IMMT: variants seen among roughly 807,000 people sequenced by gnomAD.
The protein encoded by IMMT is inner membrane mitochondrial protein.
In IMMT, 40 loss-of-function variants were observed where a neutral mutation model predicts 92.7. That is an observed-to-expected ratio of 0.43 (90% CI 0.34 to 0.56). IMMT has a LOEUF of 0.56. Among genes scored for constraint, IMMT ranks in the 20% least tolerant of loss-of-function variants. IMMT has a pLI of 0.03. For synonymous variants in IMMT, 322 were observed against 336.1 expected, an observed-to-expected ratio of 0.96 and a Z score of 0.46; for missense variants, 831 against 912.1, an observed-to-expected ratio of 0.91 and a Z score of 1.14.
intron 3 of IMMT, among the ~76,000 whole-genome samples, chr2:86,177,462 G>C (rs138175372): frequency 6.6e-6 from 1 of 152,052 alleles, no homozygotes; most frequent in African/African-American, 2.4e-5. Flanking sequence ...AAATTAGCTA[G>C]GCATGGTGGT....
intron 6 of IMMT, among the ~76,000 whole-genome samples, chr2:86,167,047 G>A (rs1297939988): frequency 4.0e-5 from 6 of 149,216 alleles, no homozygotes; most frequent in Non-Finnish European, 8.9e-5. Context: ...GCAGTGAGCC[G>A]AGATCATGCC....
At chr2:86,145,822 G>A (rs751077532) in intron 14 of IMMT, among the ~76,000 whole-genome samples, 3 of 152,088 alleles carry the variant, frequency 2.0e-5, no homozygotes, top group Non-Finnish European at 2.9e-5. Flanking sequence ...AGGCACATGC[G>A]ACATAGCCAA....
chr2:86,174,756 A>G lies in IMMT; in HGVS notation c.310-995T>C, dbSNP rs147574698. Among the ~76,000 whole-genome samples, 30 of 152,270 alleles carry G rather than the reference A, an allele frequency of 2.0e-4. No homozygotes were observed. In the East Asian group the frequency reaches 3.1e-3, roughly 16 times the overall value. The stretch of plus-strand genomic sequence containing the variant: ...ACTTGCTCTTTTTTTATTTAACACT[A>G]TATCATGGACATTCTCTTTCAGGTC... On this transcript the variant is annotated intron_variant, in intron 3 of 14. Transcript: ENST00000410111.
chr2:86,182,023 A>AT (rs1672469169), intron 1 of IMMT, among the ~76,000 whole-genome samples: 2 of 152,228 alleles, frequency 1.3e-5, no homozygotes, highest in Non-Finnish European at 2.9e-5. Context: ...CTATCCTTAC[A>AT]TAAAAACAAA....
At chr2:86,184,238 A>G (rs112265184) in intron 1 of IMMT, among the ~76,000 whole-genome samples, 4,577 of 152,072 alleles carry the variant, frequency 0.03, 208 homozygotes, top group African/African-American at 0.1. Context: ...TGGTATGATC[A>G]TAGCTCACTG....
At chr2:86,186,739 T>C (rs1439789353) in intron 1 of IMMT, among the ~76,000 whole-genome samples, 6 of 152,232 alleles carry the variant, frequency 3.9e-5, no homozygotes, top group African/African-American at 1.4e-4. Context: ...CATGAGGGTC[T>C]CTGAGCAAAA....
chr2:86,148,433 C>T (rs1675200307), intron 12 of IMMT, among the ~76,000 whole-genome samples: 1 of 151,814 alleles, frequency 6.6e-6, no homozygotes, highest in Non-Finnish European at 1.5e-5. Context: ...ATGGTGAAAC[C>T]CCATCTCTAC....
At chr2:86,185,372 T>C (rs1490523126) in intron 1 of IMMT, among the ~76,000 whole-genome samples, 3 of 152,148 alleles carry the variant, frequency 2.0e-5, no homozygotes. Flanking sequence ...TGTTTTCAAA[T>C]AGATTCTCAA....
At chr2:86,160,898 C>A (rs1330290127) in intron 8 of IMMT, among the ~76,000 whole-genome samples, 1 of 152,156 alleles carries the variant, frequency 6.6e-6, no homozygotes, top group African/African-American at 2.4e-5. Context: ...TGTAGAGATA[C>A]ATCATCTAAG....
chr2:86,170,696 A>G (rs1320417354), intron 6 of IMMT, 53 bp downstream of exon 6: 2 of 1,166,976 alleles, frequency 1.7e-6, no homozygotes, highest in East Asian at 5.1e-5. Context: ...GTTTAAGAAG[A>G]GAGCAACTGG....
intron 7 of IMMT, among the ~76,000 whole-genome samples, chr2:86,162,546 T>TA (rs556016411): frequency 0.057 from 8,246 of 144,550 alleles, 760 homozygotes; most frequent in African/African-American, 0.19. Context: ...AAATGTGTAT[T>TA]AAAAAAAAAA....
At chr2:86,176,653 T>G (rs1321596626) in intron 3 of IMMT, among the ~76,000 whole-genome samples, 1 of 152,162 alleles carries the variant, frequency 6.6e-6, no homozygotes, top group East Asian at 1.9e-4. Context: ...GCAGTGTAAG[T>G]GTGGAGGTGG....
chr2:86,159,766 T>C, intron 8 of IMMT, 95 bp from the exon 9 acceptor site: 1 of 1,115,932 alleles, frequency 9.0e-7, no homozygotes, highest in Non-Finnish European at 1.2e-6. Flanking sequence ...TAAAAGTCTA[T>C]GAAACAGGCT....
intron 7 of IMMT, among the ~76,000 whole-genome samples, chr2:86,165,257 C>A (rs1258555051): frequency 1.3e-5 from 2 of 152,222 alleles, no homozygotes; most frequent in African/African-American, 2.4e-5. Context: ...TACTGGTCTA[C>A]TTGGGTTTGA....
At chr2:86,165,087 C>G (rs1347503303) in intron 7 of IMMT, among the ~76,000 whole-genome samples, 1 of 152,146 alleles carries the variant, frequency 6.6e-6, no homozygotes, top group Admixed American at 6.6e-5. Flanking sequence ...TAACTGCTAC[C>G]ATTAGATTGT....
At chr2:86,188,022 C>T (rs1013773848) in intron 1 of IMMT, among the ~76,000 whole-genome samples, 1 of 151,708 alleles carries the variant, frequency 6.6e-6, no homozygotes, top group South Asian at 2.1e-4. Flanking sequence ...TTCTCTATAC[C>T]CTCACCAACA....
intron 14 of IMMT, among the ~76,000 whole-genome samples, chr2:86,145,494 CAAAAAAAAAAAA>C (rs10554362): frequency 4.6e-4 from 35 of 76,304 alleles, no homozygotes; most frequent in Middle Eastern, 0.015. Flanking sequence ...GACTCTGTCT[CAAAAAAAAAAAA>C]AAAAAAAAAA....
chr2:86,189,953 A>G (rs1332764343), intron 1 of IMMT, among the ~76,000 whole-genome samples: 3 of 152,210 alleles, frequency 2.0e-5, no homozygotes, highest in Non-Finnish European at 4.4e-5. Context: ...TTCTAGGAGA[A>G]CACGTGCTCT....
At chr2:86,175,644 A>G (rs2105319474) in intron 3 of IMMT, among the ~76,000 whole-genome samples, 1 of 152,220 alleles carries the variant, frequency 6.6e-6, no homozygotes, top group Non-Finnish European at 1.5e-5. Context: ...TCATGTTGCC[A>G]CTAAAAAGGT....
Sources: gnomAD v4.1 joint callset for allele counts (sites outside exome capture counted in the v4.1 genomes callset) on GRCh38, gnomAD v4.1.1 for gene constraint, MANE v1.5 for transcripts, NCBI Gene and HGNC (gene_info 2026-07-23, HGNC 2026-07-21) for gene names.